The following SLC26A4 variants were observed in gnomAD, a reference collection of about 807,000 sequenced individuals.
SLC26A4 encodes the protein solute carrier family 26 member 4, also known as pendrin.
In SLC26A4, 93 loss-of-function variants were observed where a neutral mutation model predicts 90.4. The observed-to-expected ratio is 1.03, with a 90% CI of 0.87 to 1.22. The LOEUF (loss-of-function observed/expected upper bound fraction) is 1.22. Among genes scored for constraint, SLC26A4 ranks in the 50% most tolerant of loss-of-function variants. SLC26A4 has a pLI of 0.00. For missense variants in SLC26A4, 1,127 were observed against 946.2 expected, an observed-to-expected ratio of 1.19 and a Z score of -2.51; for synonymous variants, 393 against 354.6, an observed-to-expected ratio of 1.11 and a Z score of -1.22.
chr7:107,699,315 T>C (rs1053105701), intron 14 of SLC26A4, among the ~76,000 whole-genome samples: 1 of 152,222 alleles, frequency 6.6e-6, no homozygotes, highest in East Asian at 1.9e-4. Context: ...TAGAAAAGTC[T>C]ATGATTCTGT....
Position 107,704,368 on chromosome 7 carries a change from A to G in SLC26A4, c.2072A>G (p.Tyr691Cys). Residue 691 changes from tyrosine to cysteine, a missense_variant, in exon 18 of 21, where the codon TAT becomes TGT. Transcript: ENST00000644269. ...KEFQRIDVNV[Y>C]FASLQDYVIE... ...TTCCAAAGAATTGATGTGAATGTGT[A>G]TTTTGCATCACTTCAAGGTAAATAC... The G allele has an allele frequency of 7.2e-7, 1 of 1,386,188 alleles. No individual in the cohort carries two copies. The highest frequency in any genetic ancestry group is 1.0e-6 in the Non-Finnish European group (1 of 976,392). The allele number at this position is 1,386,188 out of a possible 1,614,324, so 85.9% of individuals were successfully genotyped here.
At chr7:107,714,702 A>T (rs1792293990) in intron 20 of SLC26A4, among the ~76,000 whole-genome samples, 1 of 152,218 alleles carries the variant, frequency 6.6e-6, no homozygotes, top group African/African-American at 2.4e-5. Context: ...CATGGACTTT[A>T]GAACAAGACA....
chr7:107,685,888 GCTCAC>G (rs1280034038), intron 8 of SLC26A4, among the ~76,000 whole-genome samples: 6 of 151,824 alleles, frequency 4.0e-5, no homozygotes, highest in Non-Finnish European at 8.8e-5. Context: ...GTGTGTGTGT[GCTCAC>G]GCACGTGTAT....
chr7:107,680,125 T>C (rs1490713345), intron 6 of SLC26A4, among the ~76,000 whole-genome samples: 1 of 122,010 alleles, frequency 8.2e-6, no homozygotes, highest in Non-Finnish European at 1.6e-5. Flanking sequence ...TATAATCTTA[T>C]CTTATTATAT....
At chr7:107,711,628 A>G (rs1792191211) in intron 19 of SLC26A4, among the ~76,000 whole-genome samples, 2 of 152,210 alleles carry the variant, frequency 1.3e-5, no homozygotes, top group South Asian at 4.1e-4. Flanking sequence ...GTGTCTTCTC[A>G]GAGTCTAGCA....
intron 6 of SLC26A4, among the ~76,000 whole-genome samples, chr7:107,682,135 T>G (rs1791256722): frequency 6.7e-6 from 1 of 149,484 alleles, no homozygotes; most frequent in Admixed American, 6.6e-5. Context: ...AAAAAATTTT[T>G]TTTATGTTAT....
At chr7:107,675,168 T>A in intron 6 of SLC26A4, 59 bp downstream of exon 6, 1 of 1,549,414 alleles carries the variant, frequency 6.5e-7, no homozygotes, top group Non-Finnish European at 8.9e-7. Context: ...ACAATTGTAT[T>A]CATTCTCTGA....
chr7:107,664,324 C>T (rs1214175124), intron 3 of SLC26A4, among the ~76,000 whole-genome samples: 1 of 152,188 alleles, frequency 6.6e-6, no homozygotes. Context: ...CTCTGCCTCT[C>T]GGGTTCAAGT....
intron 3 of SLC26A4, among the ~76,000 whole-genome samples, chr7:107,663,960 G>A (rs1189151088): frequency 1.3e-5 from 2 of 152,080 alleles, no homozygotes; most frequent in Non-Finnish European, 1.5e-5. Context: ...TGGGATTACA[G>A]GCGTGAGCCA....
Position 107,690,115 on chromosome 7 carries a change from C to T in SLC26A4, c.1150-9C>T, listed in dbSNP as rs780920429. 15 of 1,519,934 alleles carry T rather than the reference C, an allele frequency of 9.9e-6. No individual in the cohort carries two copies. In the Middle Eastern group the frequency reaches 5.1e-4, roughly 51 times the overall value. 94.2% of individuals were successfully genotyped at this position (1,519,934 alleles called of 1,614,324 possible). ...TTGTAGGATCGTTGTCATCCAGTCT[C>T]TTCCTTAGGAATTCATTGCCTTTGG... On this transcript the variant is annotated splice_polypyrimidine_tract_variant and intron_variant, in intron 9 of 20. Transcript: ENST00000644269.
intron 18 of SLC26A4, among the ~76,000 whole-genome samples, chr7:107,706,733 C>A (rs1234961704): frequency 2.0e-5 from 3 of 151,946 alleles, no homozygotes; most frequent in African/African-American, 7.3e-5. Flanking sequence ...CAATTGTATT[C>A]TATTTAAAAG....
At chr7:107,677,165 G>A (rs1791045345) in intron 6 of SLC26A4, among the ~76,000 whole-genome samples, 1 of 152,140 alleles carries the variant, frequency 6.6e-6, no homozygotes. Context: ...TGATGGGAGT[G>A]AGACCCTGTC....
intron 12 of SLC26A4, among the ~76,000 whole-genome samples, chr7:107,695,484 A>G (rs1193214369): frequency 1.3e-5 from 2 of 152,244 alleles, no homozygotes; most frequent in South Asian, 2.1e-4. Flanking sequence ...CTACTTAAAT[A>G]TAAAATGAAT....
At position 107,704,121 on chromosome 7, in the gene SLC26A4, C is replaced by T. The variant is rs6955309; in HGVS notation, c.2035-210C>T. Among the ~76,000 whole-genome samples, 68,686 of 152,014 alleles carry T rather than the reference C, an allele frequency of 0.45. 15,598 individuals are homozygous for T. The highest frequency in any genetic ancestry group is 0.63 in the East Asian group (3,259 of 5,176). ...CGCTATCAAGTGCTGTGCTATTGAGCGCTGGATGTTGCCATCTCTTGAGAT... is the reference window on the plus strand; with the variant it reads ...CGCTATCAAGTGCTGTGCTATTGAGTGCTGGATGTTGCCATCTCTTGAGAT... On this transcript the variant is annotated intron_variant, in intron 17 of 20. Transcript: ENST00000644269.
intron 16 of SLC26A4, 74 bp from the exon 17 acceptor site, chr7:107,701,753 T>C (rs1791892253): frequency 3.0e-6 from 3 of 1,012,676 alleles, no homozygotes; most frequent in Non-Finnish European, 4.7e-6. Context: ...GTAGGTCTTT[T>C]GGATAATTTG....
chr7:107,683,149 T>C (rs1791292609), intron 6 of SLC26A4, 53 bp from the exon 7 acceptor site: 22 of 1,361,150 alleles, frequency 1.6e-5, no homozygotes, highest in Non-Finnish European at 2.1e-5. Context: ...CGTGTGTGTG[T>C]GCTCGTGTGC....
chr7:107,668,267 A>G (rs1412325540), intron 3 of SLC26A4, among the ~76,000 whole-genome samples: 1 of 152,218 alleles, frequency 6.6e-6, no homozygotes, highest in Non-Finnish European at 1.5e-5. Flanking sequence ...GCAAAATTCC[A>G]TGGAATCTGT....
rs146998212 is a variant in SLC26A4, at chr7:107,669,159, T to C, written c.305-2979T>C. ...TTTTAGTAGAGACGAGATTTCACCATGTTGGCCGGGCTGGTCTTGAACTCC... is the reference window on the plus strand; with the variant it reads ...TTTTAGTAGAGACGAGATTTCACCACGTTGGCCGGGCTGGTCTTGAACTCC... On this transcript the variant is annotated intron_variant, in intron 3 of 20. Transcript: ENST00000644269. 7.9e-3 allele frequency among the ~76,000 whole-genome samples: 1,206 copies of C among 152,202 alleles called. 23 individuals are homozygous for C. The highest frequency in any genetic ancestry group is 0.027 in the African/African-American group (1,137 of 41,502).
Position 107,674,983 on chromosome 7 carries a change from G to A in SLC26A4, c.639G>A (p.Arg213=), listed in dbSNP as rs2129311942. Residue 213 remains arginine (R), a synonymous_variant, in exon 6 of 21, where the codon AGG becomes AGA. Coordinates refer to ENST00000644269, the MANE Select transcript of SLC26A4 (RefSeq NM_000441.2). ...FGGLQIGFIV[R]YLADPLVGGF... ...GCTTGCAGATTGGATTCATAGTGAG[G>A]TACTTGGCAGATCCTTTGGTTGGTG... is the stretch of plus-strand genomic sequence containing the variant. The A allele has an allele frequency of 6.2e-7, 1 of 1,614,014 alleles. No homozygotes were observed. The highest frequency in any genetic ancestry group is 2.2e-5 in the East Asian group (1 of 44,880).
Sources: gnomAD v4.1 joint callset for allele counts (sites outside exome capture counted in the v4.1 genomes callset) on GRCh38, gnomAD v4.1.1 for gene constraint, MANE v1.5 for transcripts, NCBI Gene and HGNC (gene_info 2026-07-23, HGNC 2026-07-21) for gene names.